Variants in RFX3 observed in about 807,000 individuals in gnomAD.
RFX3 encodes regulatory factor X3.
RFX3 carries 14 observed loss-of-function variants against 98.6 expected under a neutral mutation model. The ratio of observed to expected loss-of-function variants is 0.14; its 90% CI spans 0.09 to 0.22. RFX3 has a LOEUF of 0.22. RFX3 is among the 10% of genes least tolerant of loss of function. The pLI is 1.00. For missense variants in RFX3, 639 were observed against 926.9 expected (o/e 0.69, Z 4.03); for synonymous variants, 383 against 328.4 (o/e 1.17, Z -1.80).
rs545131172 is a variant in RFX3 at position 3,338,032 on chromosome 9, T to A, written c.216-7515A>T. 7.9e-5 allele frequency among the ~76,000 whole-genome samples: 12 copies of A among 152,322 alleles called. No homozygotes were observed. In the South Asian group the frequency reaches 1.9e-3, roughly 24 times the overall value. ...ATATTCTCAAGACTGAATATCCGAA[T>A]ATTCATCAGACTGAAGGCAGAGGAT... On this transcript the variant is annotated intron_variant, in intron 3 of 16. Coordinates refer to ENST00000617270, the MANE Select transcript of RFX3 (RefSeq NM_001282116.2).
rs541279658 is a variant in RFX3 at position 3,452,767 on chromosome 9, T to C, written c.-8-57171A>G. On this transcript the variant is annotated intron_variant, in intron 1 of 16. Transcript: ENST00000617270. ...GCATTAGCTATTTAAAAACTTATTATAAAAGCAACAAGAAATCCATTATTA... is the reference window on the plus strand; with the variant it reads ...GCATTAGCTATTTAAAAACTTATTACAAAAGCAACAAGAAATCCATTATTA... Among the ~76,000 whole-genome samples the C allele has an allele frequency of 7.9e-5, 12 of 152,322 alleles. No homozygotes were observed. In the East Asian group the frequency reaches 2.3e-3, roughly 29 times the overall value.
intron 1 of RFX3, among the ~76,000 whole-genome samples, chr9:3,427,710 C>A (rs1844250905): frequency 6.6e-6 from 1 of 151,976 alleles, no homozygotes; most frequent in South Asian, 2.1e-4. Context: ...GACACAGCTC[C>A]AACATCTACC....
chr9:3,502,129 G>T (rs1359495949), intron 1 of RFX3, among the ~76,000 whole-genome samples: 1 of 151,014 alleles, frequency 6.6e-6, no homozygotes, highest in Non-Finnish European at 1.5e-5. Flanking sequence ...CGTAGTGGCG[G>T]GCGCCTGTAG....
At chr9:3,352,465 C>T (rs928856238) in intron 2 of RFX3, among the ~76,000 whole-genome samples, 6 of 151,852 alleles carry the variant, frequency 4.0e-5, no homozygotes, top group African/African-American at 1.5e-4. Context: ...TAATATATTA[C>T]ATACATATTA....
rs78436294 is a variant in RFX3 at position 3,400,610 on chromosome 9, C to T, written c.-8-5014G>A. Among the ~76,000 whole-genome samples, 774 of 152,238 alleles carry T rather than the reference C, an allele frequency of 5.1e-3. 6 individuals carry two copies. The highest frequency in any genetic ancestry group is 0.017 in the African/African-American group (724 of 41,538). ...CCTTCATAGACACAATTTCATTTTC[C>T]TCTGATTTTACTATCTTCAGCCTTG... On this transcript the variant is annotated intron_variant, in intron 1 of 16. Coordinates refer to ENST00000617270, the MANE Select transcript of RFX3 (RefSeq NM_001282116.2).
chr9:3,270,440 T>C lies in RFX3; in HGVS notation c.1288A>G (p.Asn430Asp). The change falls in exon 11 of 17, where the codon AAC (asparagine) becomes GAC (aspartate). Residue 430 changes from asparagine (N) to aspartate (D), a missense_variant. Asn to Asp is a conservative substitution (Grantham distance 23). Around this residue, in one of 9 missense-constraint regions of RFX3, gnomAD observed 138 missense variants for 308.9 expected, o/e 0.45. Coordinates refer to ENST00000617270, the MANE Select transcript of RFX3 (RefSeq NM_001282116.2). ...GCCTGGTACATCCCATGGTCACAGT[T>C]ACACATCCATTTCAGGATAGACTCA... ...KHESILKWMC[N>D]CDHGMYQALV... 2 of 1,613,906 alleles carry C rather than the reference T, an allele frequency of 1.2e-6. No individual in the cohort carries two copies. Among genetic ancestry groups the C allele is most frequent in the Non-Finnish European group, 1.7e-6 (2 of 1,179,852 alleles).
chr9:3,307,314 G>C (rs1430913904), intron 4 of RFX3, among the ~76,000 whole-genome samples: 2 of 152,104 alleles, frequency 1.3e-5, no homozygotes, highest in South Asian at 2.1e-4. Flanking sequence ...TTTGTGGCTA[G>C]GAGTGTTCAA....
Position 3,293,030 on chromosome 9 carries a change from G to C in RFX3, c.731+47C>G, listed in dbSNP as rs772442597. The C allele has an allele frequency of 2.8e-6, 4 of 1,452,712 alleles. No individual in the cohort carries two copies. The South Asian group carries it at 5.2e-5, about 19-fold the overall frequency. The allele number at this position is 1,452,712 out of a possible 1,614,324, so 90.0% of individuals were successfully genotyped here. ...TTAAACAATATATTGAATTGCCCTA[G>C]TTTGAAAAAGAGAGATTAGTTTATG... is the stretch of plus-strand genomic sequence containing the variant. On this transcript the variant is annotated intron_variant, in intron 6 of 16. Transcript: ENST00000617270.
At chr9:3,302,163 G>T in intron 4 of RFX3, among the ~76,000 whole-genome samples, 1 of 151,676 alleles carries the variant, frequency 6.6e-6, no homozygotes, top group Non-Finnish European at 1.5e-5. Context: ...GGAAGTAGGG[G>T]GTCATCAGTA....
At chr9:3,495,207 C>T (rs10117292) in intron 1 of RFX3, among the ~76,000 whole-genome samples, 13,033 of 151,814 alleles carry the variant, frequency 0.086, 1,345 homozygotes, top group East Asian at 0.57. Flanking sequence ...AAGAACTTCT[C>T]CATTTTTAGG....
intron 2 of RFX3, among the ~76,000 whole-genome samples, chr9:3,383,295 C>T (rs1010787662): frequency 6.6e-6 from 1 of 152,000 alleles, no homozygotes. Flanking sequence ...ATCCTGGGTG[C>T]TCTTCTTTGC....
intron 2 of RFX3, among the ~76,000 whole-genome samples, chr9:3,374,948 G>A (rs10971629): frequency 3.5e-4 from 53 of 150,964 alleles, no homozygotes; most frequent in African/African-American, 1.0e-3. Context: ...CAACAGTTAC[G>A]TAATTTATCA....
chr9:3,229,363 T>C (rs1818188429), intron 15 of RFX3, among the ~76,000 whole-genome samples: 1 of 152,150 alleles, frequency 6.6e-6, no homozygotes, highest in Non-Finnish European at 1.5e-5. Context: ...CTTTTATTAG[T>C]AAAAAAGGAA....
At chr9:3,249,424 C>CA (rs1821098939) in intron 14 of RFX3, among the ~76,000 whole-genome samples, 1 of 152,010 alleles carries the variant, frequency 6.6e-6, no homozygotes, top group African/African-American at 2.4e-5. Context: ...TGCATGAAAA[C>CA]AAAACATTGC....
intron 1 of RFX3, among the ~76,000 whole-genome samples, chr9:3,508,314 T>C (rs991588095): frequency 6.6e-6 from 1 of 151,958 alleles, no homozygotes; most frequent in Non-Finnish European, 1.5e-5. Context: ...ATTTAGCACT[T>C]TCTATTCATT....
At chr9:3,379,094 G>A (rs991871049) in intron 2 of RFX3, among the ~76,000 whole-genome samples, 2 of 152,166 alleles carry the variant, frequency 1.3e-5, no homozygotes, top group East Asian at 1.9e-4. Flanking sequence ...GACCCATTAT[G>A]TGCCAGACAT....
chr9:3,325,029 G>T (rs1488423653), intron 4 of RFX3, among the ~76,000 whole-genome samples: 2 of 152,034 alleles, frequency 1.3e-5, no homozygotes, highest in African/African-American at 4.8e-5. Flanking sequence ...TTGCCTCTAA[G>T]GATGAGAATT....
At chr9:3,289,156 C>T (rs975932867) in intron 6 of RFX3, among the ~76,000 whole-genome samples, 8 of 151,904 alleles carry the variant, frequency 5.3e-5, no homozygotes, top group African/African-American at 1.9e-4. Context: ...GCACTTTTTC[C>T]AATTTTTTCT....
At chr9:3,273,823 C>T (rs967245198) in intron 9 of RFX3, among the ~76,000 whole-genome samples, 6 of 148,258 alleles carry the variant, frequency 4.0e-5, no homozygotes, top group African/African-American at 1.5e-4. Context: ...CGAGATCGCA[C>T]TACTGCACTC....
Sources: allele counts gnomAD v4.1 joint callset (sites outside exome capture counted in the v4.1 genomes callset), GRCh38; gene constraint gnomAD v4.1.1; regional missense constraint gnomAD v4.1.1; transcripts MANE v1.5; gene names NCBI Gene and HGNC (gene_info 2026-07-23, HGNC 2026-07-21).